CHD3: variants seen among roughly 807,000 people sequenced by gnomAD.
The protein encoded by CHD3 is ATP-dependent chromatin remodeler CHD3.
CHD3 carries 52 observed loss-of-function variants against 248.9 expected under a neutral mutation model. The ratio of observed to expected loss-of-function variants is 0.21; its 90% CI spans 0.17 to 0.26. CHD3 has a LOEUF of 0.26. Among genes scored for constraint, CHD3 ranks in the 10% least tolerant of loss-of-function variants. The pLI, the probability that CHD3 is intolerant of heterozygous loss-of-function variation, is 1.00. For synonymous variants in CHD3, 985 were observed against 985.2 expected (o/e 1.00, Z 0.00); for missense variants, 1,482 against 2,605.8 (o/e 0.57, Z 9.39).
In CHD3 at chr17:7,911,246, A is replaced by C. The variant is rs1466338883; in HGVS notation, c.5882-218A>C. ...CTCCGGGTTCCTTCAAGGGAAAGTG[A>C]ATATGAAACCCGAGGGGTTAGAGAG... On this transcript the variant is annotated intron_variant, in intron 39 of 39. Coordinates refer to ENST00000330494, the MANE Select transcript of CHD3 (RefSeq NM_001005273.3). The surrounding 1 kb of genome is among the most constrained non-coding windows in gnomAD (Gnocchi z 5.4). 3.3e-5 allele frequency among the ~76,000 whole-genome samples: 5 copies of C among 152,158 alleles called. No homozygotes were observed. The highest frequency in any genetic ancestry group is 5.9e-5 in the Non-Finnish European group (4 of 68,034).
At position 7,903,131 on chromosome 17, in the gene CHD3, A is replaced by G; in HGVS notation, c.3495+70A>G. The G allele has an allele frequency of 1.9e-6, 3 of 1,585,642 alleles. No individual in the cohort carries two copies. The highest frequency in any genetic ancestry group is 1.7e-4 in the Middle Eastern group (1 of 5,954). On this transcript the variant is annotated intron_variant, in intron 22 of 39. Transcript: ENST00000330494. This position sits in a 1 kb window ranked among gnomAD's most constrained non-coding sequence, Gnocchi z 6.8. The stretch of plus-strand genomic sequence containing the variant: ...ATGTGGGTTCATGGAGGAGGGTGTC[A>G]TGTTCCGGGGTCAGAAATAAATCTC...
In CHD3 at chr17:7,900,187, CCTGAGTGAAATGGGAG is replaced by C. The variant is rs372356169; in HGVS notation, c.2683-99_2683-84del. 16,311 of 1,563,770 alleles carry C rather than the reference CCTGAGTGAAATGGGAG, an allele frequency of 0.01. 936 individuals are homozygous for C. In the South Asian group the frequency reaches 0.14, roughly 13 times the overall value. On this transcript the variant is annotated intron_variant, in intron 16 of 39. Transcript: ENST00000330494. The surrounding 1 kb of genome is among the most constrained non-coding windows in gnomAD (Gnocchi z 6.5). ...GGGCCAGAGATTTGGGGCCTCTGAT[CCTGAGTGAAATGGGAG>C]CTGGGGCAGGGAAAGGCTGATGCTG...
At chr17:7,898,772 C>T (rs1351303857) in intron 13 of CHD3, among the ~76,000 whole-genome samples, 177 bp downstream of exon 13, 2 of 152,190 alleles carry the variant, frequency 1.3e-5, no homozygotes, top group Non-Finnish European at 2.9e-5. Context: ...GGGCAGGAGC[C>T]ACTAGAGATA....
Position 7,907,502 on chromosome 17 carries a change from C to T in CHD3, c.4924+14C>T. 3 of 1,558,760 alleles carry T rather than the reference C, an allele frequency of 1.9e-6. No individual in the cohort carries two copies. Among genetic ancestry groups the T allele is most frequent in the Non-Finnish European group, 1.7e-6 (2 of 1,154,474 alleles). The stretch of plus-strand genomic sequence containing the variant: ...GAGAGAAGTCAGGTGGGTGCATGGC[C>T]TTAGGAGTGATGGGGGATTAGAATT... On this transcript the variant is annotated intron_variant, in intron 32 of 39. Coordinates refer to ENST00000330494, the MANE Select transcript of CHD3 (RefSeq NM_001005273.3). This position sits in a 1 kb window ranked among gnomAD's most constrained non-coding sequence, Gnocchi z 4.3.
At chr17:7,884,846 G>A (rs1395150740), upstream of CHD3, 1 of 1,084,596 alleles carries the variant, frequency 9.2e-7, no homozygotes, top group Non-Finnish European at 1.3e-6. Context: ...GGAGGAGGAG[G>A]AGATGGTGGT....
chr17:7,886,655 C>A (rs1177032167), upstream of CHD3, among the ~76,000 whole-genome samples: 4 of 152,128 alleles, frequency 2.6e-5, no homozygotes, highest in South Asian at 2.1e-4. The surrounding 1 kb of genome is among the most constrained non-coding windows in gnomAD (Gnocchi z 4.2). Context: ...CCCAGAGAGC[C>A]CCCTGCCTTG....
chr17:7,905,719 C>A lies in CHD3; in HGVS notation c.4224+13C>A. ...GGGCAACATTGAGGTGAGAGCTGGG[C>A]CCAGTGTTCCTGAGTTCTCCAAGAG... On this transcript the variant is annotated intron_variant, in intron 27 of 39. Transcript: ENST00000330494. This position sits in a 1 kb window ranked among gnomAD's most constrained non-coding sequence, Gnocchi z 5.8. 2 of 1,612,248 alleles carry A rather than the reference C, an allele frequency of 1.2e-6. No individual in the cohort carries two copies. The highest frequency in any genetic ancestry group is 1.7e-6 in the Non-Finnish European group (2 of 1,178,802).
rs1597983863 is a variant in CHD3, at chr17:7,904,248, A to G, written c.3895-194A>G. On this transcript the variant is annotated intron_variant, in intron 24 of 39. Coordinates refer to ENST00000330494, the MANE Select transcript of CHD3 (RefSeq NM_001005273.3). The surrounding 1 kb of genome is among the most constrained non-coding windows in gnomAD (Gnocchi z 4.4). ...AGGGATTAGAGGAGAGATTTAGAAAACATGAGGAGAGCACATTGCAGGTAA... is the reference window on the plus strand; with the variant it reads ...AGGGATTAGAGGAGAGATTTAGAAAGCATGAGGAGAGCACATTGCAGGTAA... 3.7e-5 allele frequency: 23 copies of G among 628,384 alleles called. No homozygotes were observed. The East Asian group carries it at 6.0e-4, about 16-fold the overall frequency. The allele number at this position is 628,384 out of a possible 1,614,324, so 38.9% of individuals were successfully genotyped here. A position where few individuals can be genotyped will look rare whatever the true frequency, so the allele number is the denominator to read the frequency against.
chr17:7,900,453 G>A lies in CHD3; in HGVS notation c.2804+42G>A. The stretch of plus-strand genomic sequence containing the variant: ...GGGTAGTTGGCAGAGATGAGAGGTG[G>A]AGCAGATAAAATGAGCTGGTAGAGG... On this transcript the variant is annotated intron_variant, in intron 17 of 39. Coordinates refer to ENST00000330494, the MANE Select transcript of CHD3 (RefSeq NM_001005273.3). This position sits in a 1 kb window ranked among gnomAD's most constrained non-coding sequence, Gnocchi z 6.5. 1 of 1,613,672 alleles carries A rather than the reference G, an allele frequency of 6.2e-7. No individual in the cohort carries two copies. Among genetic ancestry groups the A allele is most frequent in the Non-Finnish European group, 8.5e-7 (1 of 1,179,762 alleles).
upstream of CHD3, chr17:7,884,937 A>AG: frequency 7.4e-7 from 1 of 1,351,434 alleles, no homozygotes; most frequent in Non-Finnish European, 9.7e-7. Context: ...GAGGACGATG[A>AG]GGAGGACGAC....
At position 7,890,954 on chromosome 17, in the gene CHD3, G is replaced by C; in HGVS notation, c.399G>C (p.Lys133Asn). ...GDGGQKQVEQKSSATLLLTWG... is the reference protein window; with the variant it reads ...GDGGQKQVEQNSSATLLLTWG... The stretch of plus-strand genomic sequence containing the variant: ...CTCTCCCGCAGCAAGTGGAACAGAA[G>C]TCATCAGCAACTCTGCTTCTGACCT... Residue 133 changes from lysine to asparagine, a missense_variant, in exon 4 of 40, where the codon AAG (lysine) becomes AAC (asparagine). Around this residue, in one of 20 missense-constraint regions of CHD3, gnomAD observed 169 missense variants for 168.1 expected, o/e 1.01. Coordinates refer to ENST00000330494, the MANE Select transcript of CHD3 (RefSeq NM_001005273.3). 6.2e-7 allele frequency: 1 copy of C among 1,614,094 alleles called. No homozygotes were observed. Among genetic ancestry groups the C allele is most frequent in the Non-Finnish European group, 8.5e-7 (1 of 1,180,032 alleles).
intron 12 of CHD3, 135 bp downstream of exon 12, chr17:7,898,237 G>T: frequency 1.9e-6 from 2 of 1,062,620 alleles, no homozygotes; most frequent in Non-Finnish European, 2.7e-6. Flanking sequence ...GAGCTGGGTT[G>T]TTTGAGATAG....
At position 7,910,550 on chromosome 17, in the gene CHD3, A is replaced by T; in HGVS notation, c.5713A>T (p.Ser1905Cys). 1 of 1,612,790 alleles carries T rather than the reference A, an allele frequency of 6.2e-7. No homozygotes were observed. The highest frequency in any genetic ancestry group is 2.2e-5 in the East Asian group (1 of 44,872). Residue 1905 changes from serine to cysteine, a missense_variant, in exon 38 of 40, where the codon AGC (serine) becomes TGC (cysteine). Transcript: ENST00000330494. The surrounding 1 kb of genome is among the most constrained non-coding windows in gnomAD (Gnocchi z 4.7). ...RLQMSERSIL[S>C]RLASKGTEPH... The stretch of plus-strand genomic sequence containing the variant: ...TCAGATGTCCGAGCGCAGCATCCTC[A>T]GCCGGCTGGCCAGCAAGGGCACGGA...
Position 7,898,567 on chromosome 17 carries a change from A to G in CHD3, c.2123A>G (p.Asp708Gly), listed in dbSNP as rs1250591178. 1.2e-6 allele frequency: 2 copies of G among 1,613,862 alleles called. No homozygotes were observed. Among genetic ancestry groups the G allele is most frequent in the Non-Finnish European group, 8.5e-7 (1 of 1,179,864 alleles). Reference protein sequence around the residue: ...YKKKKKELQGDGPPSSPTNDP... With the variant: ...YKKKKKELQGGGPPSSPTNDP... ...AAGAAGAAGAAGGAGCTACAGGGTG[A>G]TGGGCCTCCCAGTTCTCCCACTAAT... is the stretch of plus-strand genomic sequence containing the variant. Residue 708 changes from aspartate (D) to glycine (G), a missense_variant, in exon 13 of 40, where the codon GAT (aspartate) becomes GGT (glycine). Physicochemically the swap from Asp to Gly is moderately conservative, Grantham distance 94. Transcript: ENST00000330494.
In CHD3 at chr17:7,901,342, G is replaced by A; in HGVS notation, c.3219G>A (p.Lys1073=). ...MLLQKMLRKL[K]EQGHRVLIFS... is the part of the protein sequence containing the mutation. ...TCCAGAAGATGCTGCGAAAGCTGAA[G>A]GAGCAAGGACACCGAGTGCTCATCT... The change falls in exon 20 of 40, where the codon AAG becomes AAA. Residue 1073 remains lysine (K), a synonymous_variant. Transcript: ENST00000330494. 6.2e-7 allele frequency: 1 copy of A among 1,613,622 alleles called. No homozygotes were observed. Among genetic ancestry groups the A allele is most frequent in the Non-Finnish European group, 8.5e-7 (1 of 1,179,706 alleles).
upstream of CHD3, among the ~76,000 whole-genome samples, chr17:7,887,068 G>A (rs1048132149): frequency 6.6e-6 from 1 of 152,134 alleles, no homozygotes; most frequent in Non-Finnish European, 1.5e-5. Context: ...CACCCCCTCA[G>A]ATGACTTTCG....
At position 7,902,738 on chromosome 17, in the gene CHD3, T is replaced by C. The variant is rs1970462016; in HGVS notation, c.3370+11T>C. 6.2e-7 allele frequency: 1 copy of C among 1,608,076 alleles called. No individual in the cohort carries two copies. The highest frequency in any genetic ancestry group is 2.2e-5 in the East Asian group (1 of 44,784). ...TCGATCGGTTTAATGGTGAGGGAGA[T>C]ACACTGGTCCCTGGTGGGTGTGGGA... On this transcript the variant is annotated intron_variant, in intron 21 of 39. Coordinates refer to ENST00000330494, the MANE Select transcript of CHD3 (RefSeq NM_001005273.3).
At position 7,908,037 on chromosome 17, in the gene CHD3, T is replaced by A. The variant is rs892466605; in HGVS notation, c.5152+18T>A. On this transcript the variant is annotated intron_variant, in intron 34 of 39. Coordinates refer to ENST00000330494, the MANE Select transcript of CHD3 (RefSeq NM_001005273.3). The surrounding 1 kb of genome is among the most constrained non-coding windows in gnomAD (Gnocchi z 5.8). ...CTTCACAGGTTGGGGAGACTCTCGCTGCTTTCTGCTCCTCAAGGGGATCTG... is the reference window on the plus strand; with the variant it reads ...CTTCACAGGTTGGGGAGACTCTCGCAGCTTTCTGCTCCTCAAGGGGATCTG... 1 of 1,583,714 alleles carries A rather than the reference T, an allele frequency of 6.3e-7. No individual in the cohort carries two copies. Among genetic ancestry groups the A allele is most frequent in the Admixed American group, 1.7e-5 (1 of 57,412 alleles).
chr17:7,904,752 TA>T lies in CHD3; in HGVS notation c.4072+135del. 1 of 894,416 alleles carries T rather than the reference TA, an allele frequency of 1.1e-6. No individual in the cohort carries two copies. The highest frequency in any genetic ancestry group is 1.7e-6 in the Non-Finnish European group (1 of 598,178). The allele number at this position is 894,416 out of a possible 1,614,324, so 55.4% of individuals were successfully genotyped here. ...CTTCCTCTGCTAAAAGGGAAAGACATAAGGTAGAGTCATTAGGAACTACCCA... is the reference window on the plus strand; with the variant it reads ...CTTCCTCTGCTAAAAGGGAAAGACATAGGTAGAGTCATTAGGAACTACCCA... On this transcript the variant is annotated intron_variant, in intron 25 of 39. Transcript: ENST00000330494. The surrounding 1 kb of genome is among the most constrained non-coding windows in gnomAD (Gnocchi z 4.4).
Sources: allele counts gnomAD v4.1 joint callset (sites outside exome capture counted in the v4.1 genomes callset), GRCh38; gene constraint gnomAD v4.1.1; regional missense constraint gnomAD v4.1.1; non-coding constraint Gnocchi (gnomAD v3.1); transcripts MANE v1.5; gene names NCBI Gene and HGNC (gene_info 2026-07-23, HGNC 2026-07-21).